FAM199X: variants seen among roughly 807,000 people sequenced by gnomAD.
FAM199X encodes family with sequence similarity 199, X-linked.
FAM199X carries 4 observed loss-of-function variants against 22.9 expected under a neutral mutation model. That is an observed-to-expected ratio of 0.17 (90% CI 0.09 to 0.40). The LOEUF is 0.40. Ranked by LOEUF, FAM199X falls within the 10% of genes least tolerant of loss-of-function variation. The pLI is 1.00. For missense variants in FAM199X, 183 were observed against 306.8 expected (o/e 0.60, Z 3.01); for synonymous variants, 101 against 112.3 (o/e 0.90, Z 0.64).
chrX:104,166,620 C>G lies in FAM199X; in HGVS notation c.-166C>G. 1 of 435,952 alleles carries G rather than the reference C, an allele frequency of 2.3e-6. No homozygotes were observed. The highest frequency in any genetic ancestry group is 4.7e-5 in the South Asian group (1 of 21,404). The allele number at this position is 435,952 out of a possible 1,213,427, so 35.9% of individuals were successfully genotyped here. On this transcript the variant is annotated 5_prime_UTR_variant, in exon 1 of 6. Transcript: ENST00000493442. ...CTCGAGCAGCCTCTTCGCGCGGCCC[C>G]GCACCCCGGCAAGCAGCAGCGGGCC...
chrX:104,162,913 C>A (rs2147885989), upstream of FAM199X, among the ~76,000 whole-genome samples: 1 of 111,763 alleles, frequency 8.9e-6, no homozygotes, highest in East Asian at 2.8e-4. Context: ...TTAATCAAGA[C>A]CCCACATTGA....
intron 1 of FAM199X, 70 bp from the exon 2 acceptor site, chrX:104,175,553 T>C (rs1193554657): frequency 1.2e-5 from 11 of 889,184 alleles, no homozygotes; most frequent in African/African-American, 2.0e-5. Context: ...AAATATGTCC[T>C]GTTAATTATA....
chrX:104,159,252 G>A, the FAM199X span, among the ~76,000 whole-genome samples: 1 of 111,839 alleles, frequency 8.9e-6, no homozygotes, highest in African/African-American at 3.3e-5. Flanking sequence ...ATTGGTGAGT[G>A]GGTTTCATAC....
chrX:104,157,255 AC>A, the FAM199X span, among the ~76,000 whole-genome samples: 2 of 111,994 alleles, frequency 1.8e-5, no homozygotes, highest in Non-Finnish European at 3.8e-5. Context: ...AGCTTAACTT[AC>A]TTAGGTGAAC....
chrX:104,175,688 C>T lies in FAM199X; in HGVS notation c.263C>T (p.Ser88Phe), dbSNP rs1921471499. ...SSEGSEELFS[S>F]VSVGDQDDCY... ...GAAGGCAGTGAGGAGCTGTTTTCAT[C>T]TGTGTCTGTTGGAGATCAAGATGAT... is the stretch of plus-strand genomic sequence containing the variant. The change falls in exon 2 of 6, where the codon TCT (serine) becomes TTT (phenylalanine). Residue 88 changes from serine to phenylalanine, a missense_variant. This residue lies in a region of FAM199X where 128 missense variants were observed against 246.2 expected (regional missense o/e 0.52). Transcript: ENST00000493442. The T allele has an allele frequency of 8.3e-7, 1 of 1,211,611 alleles. No homozygotes were observed. Among genetic ancestry groups the T allele is most frequent in the Non-Finnish European group, 1.1e-6 (1 of 895,385 alleles).
chrX:104,165,330 G>A (rs1008908000), upstream of FAM199X, among the ~76,000 whole-genome samples: 3 of 111,802 alleles, frequency 2.7e-5, no homozygotes, highest in Admixed American at 2.8e-4. Context: ...CATTGGTAGG[G>A]CAAGGCACAG....
chrX:104,187,910 T>A, intron 4 of FAM199X, 130 bp from the exon 5 acceptor site: 1 of 762,914 alleles, frequency 1.3e-6, no homozygotes, highest in African/African-American at 2.1e-5. Context: ...CTTTCTATTC[T>A]ACCTTACGTA....
upstream of FAM199X, among the ~76,000 whole-genome samples, chrX:104,164,437 CAGTT>C (rs1308917904): frequency 1.8e-5 from 2 of 112,122 alleles, no homozygotes; most frequent in Admixed American, 9.4e-5. Flanking sequence ...CATGTGGCAG[CAGTT>C]AGTTATCATG....
At chrX:104,163,647 C>T (rs978588831), upstream of FAM199X, among the ~76,000 whole-genome samples, 5 of 108,583 alleles carry the variant, frequency 4.6e-5, no homozygotes, top group Admixed American at 3.0e-4. Context: ...CTATCCGTGT[C>T]TATGTCAGTA....
At chrX:104,183,362 A>G (rs1921711157) in intron 2 of FAM199X, among the ~76,000 whole-genome samples, 2 of 110,836 alleles carry the variant, frequency 1.8e-5, no homozygotes, top group African/African-American at 6.6e-5. Context: ...GATGGTATTC[A>G]TATGTGCATT....
At chrX:104,166,118 T>A (rs1556373723), upstream of FAM199X, among the ~76,000 whole-genome samples, 1 of 112,280 alleles carries the variant, frequency 8.9e-6, no homozygotes, top group African/African-American at 3.2e-5. Flanking sequence ...AATAAATACT[T>A]GTTGAATTGG....
chrX:104,175,909 T>C (rs1475631018), intron 2 of FAM199X, 67 bp downstream of exon 2: 5 of 753,777 alleles, frequency 6.6e-6, no homozygotes, highest in Non-Finnish European at 9.7e-6. Context: ...TTTCTTTTGA[T>C]ATTTTCATCT....
intron 4 of FAM199X, 85 bp downstream of exon 4, chrX:104,186,706 C>A: frequency 1.2e-5 from 11 of 893,062 alleles, no homozygotes; most frequent in Non-Finnish European, 1.7e-5. Context: ...TGTGTAAATA[C>A]ATAGATAATT....
rs782213162 is a variant in FAM199X at position 104,175,659 on chromosome X, C to T, written c.234C>T (p.Ser78=). 1 of 1,211,485 alleles carries T rather than the reference C, an allele frequency of 8.3e-7. No homozygotes were observed. Among genetic ancestry groups the T allele is most frequent in the South Asian group, 1.8e-5 (1 of 56,936 alleles). The change falls in exon 2 of 6, where the codon AGC becomes AGT. Residue 78 remains serine, a synonymous_variant. Coordinates refer to ENST00000493442, the MANE Select transcript of FAM199X (RefSeq NM_207318.4). ...NLTSCGTSVA[S]SEGSEELFSS... Reference sequence around the variant, plus strand: ...CTTCTTGTGGAACAAGTGTTGCCAGCTCAGAAGGCAGTGAGGAGCTGTTTT... The same window carrying T: ...CTTCTTGTGGAACAAGTGTTGCCAGTTCAGAAGGCAGTGAGGAGCTGTTTT...
In FAM199X at chrX:104,186,195, G is replaced by A; in HGVS notation, c.547G>A (p.Ala183Thr). 1.7e-6 allele frequency: 2 copies of A among 1,207,970 alleles called. No individual in the cohort carries two copies. Among genetic ancestry groups the A allele is most frequent in the South Asian group, 1.8e-5 (1 of 56,109 alleles). ...GAATTTAGATGAACTCCCTTGGAGT[G>A]CAATGACAAATGATGAGCAGGTAAA... is the stretch of plus-strand genomic sequence containing the variant. Reference protein sequence around the residue: ...HRNLDELPWSAMTNDEQVEYI... With the variant: ...HRNLDELPWSTMTNDEQVEYI... The change falls in exon 3 of 6, where the codon GCA (alanine) becomes ACA (threonine). Residue 183 changes from alanine (A) to threonine (T), a missense_variant. Coordinates refer to ENST00000493442, the MANE Select transcript of FAM199X (RefSeq NM_207318.4).
At chrX:104,179,178 G>A (rs146213858) in intron 2 of FAM199X, among the ~76,000 whole-genome samples, 1 of 111,849 alleles carries the variant, frequency 8.9e-6, no homozygotes, top group Admixed American at 9.5e-5. Flanking sequence ...TTTCAAAAAA[G>A]AGTAGTTGGG....
chrX:104,191,757 T>G lies in FAM199X; in HGVS notation c.*1979T>G, dbSNP rs782091465. ...ATTTATCTGTCAAATACTTGGAAAC[T>G]ATTTACTTAACGGTCATCAGTAAAA... is the stretch of plus-strand genomic sequence containing the variant. On this transcript the variant is annotated 3_prime_UTR_variant, in exon 6 of 6. Coordinates refer to ENST00000493442, the MANE Select transcript of FAM199X (RefSeq NM_207318.4). 1 of 112,093 alleles carries G rather than the reference T, an allele frequency of 8.9e-6. No homozygotes were observed. The highest frequency in any genetic ancestry group is 3.2e-5 in the African/African-American group (1 of 31,002). The allele number at this position is 112,093 out of a possible 1,213,427, so 9.2% of individuals were successfully genotyped here. A position where few individuals can be genotyped will look rare whatever the true frequency, so the allele number is the denominator to read the frequency against.
In FAM199X at chrX:104,183,535, G is replaced by A. The variant is rs1339592584; in HGVS notation, c.418-2531G>A. On this transcript the variant is annotated intron_variant, in intron 2 of 5. Coordinates refer to ENST00000493442, the MANE Select transcript of FAM199X (RefSeq NM_207318.4). ...GCTGGAGTGCAGTGGCACGATCTCG[G>A]CTCACTGCAACCTCCACCTCCTGGG... Among the ~76,000 whole-genome samples, 5 of 110,260 alleles carry A rather than the reference G, an allele frequency of 4.5e-5. No individual in the cohort carries two copies. The Admixed American group carries it at 4.8e-4, about 11-fold the overall frequency.
intron 2 of FAM199X, among the ~76,000 whole-genome samples, chrX:104,176,454 C>T (rs1921492776): frequency 8.9e-6 from 1 of 112,267 alleles, no homozygotes; most frequent in Non-Finnish European, 1.9e-5. Context: ...ATTGTAAAAA[C>T]AATAAAACAT....
Sources: gnomAD v4.1 joint callset for allele counts (sites outside exome capture counted in the v4.1 genomes callset) on GRCh38, gnomAD v4.1.1 for gene constraint, gnomAD v4.1.1 regional missense constraint, MANE v1.5 for transcripts, NCBI Gene and HGNC (gene_info 2026-07-23, HGNC 2026-07-21) for gene names.